RALGPS2: variants seen among roughly 807,000 people sequenced by gnomAD.
RALGPS2 encodes the protein Ral GEF with PH domain and SH3 binding motif 2.
RALGPS2 carries 43 observed loss-of-function variants against 86.8 expected under a neutral mutation model. That is an observed-to-expected ratio of 0.50 (90% CI 0.39 to 0.64). The LOEUF is 0.64. Ranked by LOEUF, RALGPS2 falls within the 30% of genes least tolerant of loss-of-function variation. The pLI, the probability that RALGPS2 is intolerant of heterozygous loss-of-function variation, is 0.00. For missense variants in RALGPS2, 536 were observed against 694.6 expected (o/e 0.77, Z 2.57); for synonymous variants, 243 against 231.3 (o/e 1.05, Z -0.46).
intron 8 of RALGPS2, among the ~76,000 whole-genome samples, chr1:178,836,190 C>G (rs975271625): frequency 6.6e-6 from 1 of 152,184 alleles, no homozygotes; most frequent in African/African-American, 2.4e-5. Flanking sequence ...TTAGTAGAAT[C>G]AGGAAAGGTT....
intron 13 of RALGPS2, 92 bp downstream of exon 13, chr1:178,886,212 A>G: frequency 7.4e-7 from 1 of 1,354,914 alleles, no homozygotes. Flanking sequence ...CCACACACAG[A>G]GAAAATTTGG....
intron 4 of RALGPS2, among the ~76,000 whole-genome samples, chr1:178,795,218 T>A (rs896748474): frequency 3.3e-5 from 5 of 151,886 alleles, no homozygotes; most frequent in African/African-American, 9.7e-5. Context: ...TATACTCTAT[T>A]TATCCTCGTA....
intron 8 of RALGPS2, chr1:178,852,719 A>G (rs1284091553): frequency 6.2e-7 from 1 of 1,613,784 alleles, no homozygotes; most frequent in South Asian, 1.1e-5. Flanking sequence ...AGTGTGGTGA[A>G]TTGTTTACCA....
At chr1:178,749,898 C>T (rs978523683) in intron 1 of RALGPS2, among the ~76,000 whole-genome samples, 10 of 152,086 alleles carry the variant, frequency 6.6e-5, no homozygotes, top group African/African-American at 2.4e-4. Context: ...AGTTCAAGAC[C>T]AGCCTGGGCA....
At chr1:178,843,107 G>C (rs1181995401) in intron 8 of RALGPS2, among the ~76,000 whole-genome samples, 1 of 149,022 alleles carries the variant, frequency 6.7e-6, no homozygotes, top group Non-Finnish European at 1.5e-5. Flanking sequence ...ATTCCTCAGG[G>C]ATCTAGAACT....
intron 5 of RALGPS2, among the ~76,000 whole-genome samples, chr1:178,808,894 A>G (rs1189859827): frequency 2.0e-5 from 3 of 152,138 alleles, no homozygotes; most frequent in Non-Finnish European, 2.9e-5. Context: ...TTTTAGAGAC[A>G]GGGTCTCTGT....
In RALGPS2 at chr1:178,897,639, A is replaced by G. The variant is rs761651584; in HGVS notation, c.1432-25A>G. On this transcript the variant is annotated intron_variant, in intron 16 of 19. Coordinates refer to ENST00000367635, the MANE Select transcript of RALGPS2 (RefSeq NM_152663.5). Reference sequence around the variant, plus strand: ...AAGAAGCCAGGAGCATTGTAATAGTATATTCCTGTGTTTGTCCTATCCAGG... The same window carrying G: ...AAGAAGCCAGGAGCATTGTAATAGTGTATTCCTGTGTTTGTCCTATCCAGG... 4 of 1,557,728 alleles carry G rather than the reference A, an allele frequency of 2.6e-6. No individual in the cohort carries two copies. The South Asian group carries it at 4.5e-5, about 17-fold the overall frequency.
chr1:178,747,151 A>T, intron 1 of RALGPS2: 1 of 1,004,182 alleles, frequency 1.0e-6, no homozygotes, highest in South Asian at 1.3e-5. Flanking sequence ...TCAAAACAAG[A>T]CAAGTGTCTA....
Position 178,809,715 on chromosome 1 carries a change from T to G in RALGPS2, c.297+1587T>G, listed in dbSNP as rs537069551. ...AGCACGTACACTTACCCTTCCAGTATTGGGGTCTCGGGGTGGCTGGATTTA... is the reference window on the plus strand; with the variant it reads ...AGCACGTACACTTACCCTTCCAGTAGTGGGGTCTCGGGGTGGCTGGATTTA... On this transcript the variant is annotated intron_variant, in intron 5 of 19. Coordinates refer to ENST00000367635, the MANE Select transcript of RALGPS2 (RefSeq NM_152663.5). Among the ~76,000 whole-genome samples, 3 of 152,154 alleles carry G rather than the reference T, an allele frequency of 2.0e-5. No homozygotes were observed. The East Asian group carries it at 5.8e-4, about 29-fold the overall frequency.
At chr1:178,862,380 C>T (rs1002643358) in intron 8 of RALGPS2, among the ~76,000 whole-genome samples, 1 of 152,062 alleles carries the variant, frequency 6.6e-6, no homozygotes, top group Non-Finnish European at 1.5e-5. Flanking sequence ...GCAGGTAAGA[C>T]ACTGTAACCA....
intron 2 of RALGPS2, among the ~76,000 whole-genome samples, chr1:178,777,419 C>T (rs2102107655): frequency 6.6e-6 from 1 of 151,904 alleles, no homozygotes; most frequent in African/African-American, 2.4e-5. Context: ...AAGAACATTC[C>T]ATGCTCATGG....
chr1:178,783,508 G>A (rs1431789551), intron 2 of RALGPS2, among the ~76,000 whole-genome samples: 1 of 152,120 alleles, frequency 6.6e-6, no homozygotes, highest in Non-Finnish European at 1.5e-5. Context: ...TGTAATGATC[G>A]TGGCTCGATA....
Position 178,906,765 on chromosome 1 carries a change from G to T in RALGPS2, c.1631-11G>T. ...TTTTTAATATTTCCCCCTTATTTTG[G>T]ATAATTTTAGGAAATTCGTACAAGT... On this transcript the variant is annotated splice_polypyrimidine_tract_variant and intron_variant, in intron 18 of 19. Transcript: ENST00000367635. The T allele has an allele frequency of 6.2e-7, 1 of 1,603,578 alleles. No individual in the cohort carries two copies. The highest frequency in any genetic ancestry group is 1.1e-5 in the South Asian group (1 of 89,542).
intron 6 of RALGPS2, among the ~76,000 whole-genome samples, chr1:178,816,924 G>T (rs535258606): frequency 6.6e-6 from 1 of 151,864 alleles, no homozygotes; most frequent in South Asian, 2.1e-4. Context: ...GGCCAAGCTG[G>T]TCTCGAACTC....
At chr1:178,778,090 A>G (rs931007168) in intron 2 of RALGPS2, among the ~76,000 whole-genome samples, 6 of 129,674 alleles carry the variant, frequency 4.6e-5, no homozygotes, top group Admixed American at 1.5e-4. Context: ...AGAAACTACC[A>G]TCAGAGTGAA....
At chr1:178,779,797 G>A (rs991409357) in intron 2 of RALGPS2, among the ~76,000 whole-genome samples, 3 of 152,170 alleles carry the variant, frequency 2.0e-5, no homozygotes, top group Non-Finnish European at 2.9e-5. Flanking sequence ...GCAGTGGCAC[G>A]ATCTGGGCCC....
chr1:178,753,623 G>A (rs1372648835), intron 1 of RALGPS2: 2 of 152,088 alleles, frequency 1.3e-5, no homozygotes, highest in South Asian at 2.1e-4. Context: ...TTATGTTGTA[G>A]CGTAATGTTC....
chr1:178,879,041 A>G (rs750215789), intron 10 of RALGPS2, 49 bp downstream of exon 10: 2 of 1,592,500 alleles, frequency 1.3e-6, no homozygotes, highest in Non-Finnish European at 1.7e-6. Flanking sequence ...CCTGTCCTCC[A>G]CCTTTCTATC....
In RALGPS2 at chr1:178,838,928, A is replaced by G. The variant is rs560404219; in HGVS notation, c.607+5378A>G. ...AAAGGGTATCAGTGATTGAAGATCAAATGAATGAAATGAAGCGAGAAGAGA... is the reference window on the plus strand; with the variant it reads ...AAAGGGTATCAGTGATTGAAGATCAGATGAATGAAATGAAGCGAGAAGAGA... On this transcript the variant is annotated intron_variant, in intron 8 of 19. Transcript: ENST00000367635. Among the ~76,000 whole-genome samples the G allele has an allele frequency of 2.2e-4, 34 of 152,330 alleles. No individual in the cohort carries two copies. In the South Asian group the frequency reaches 7.0e-3, roughly 32 times the overall value.
Sources: allele counts gnomAD v4.1 joint callset (sites outside exome capture counted in the v4.1 genomes callset), GRCh38; gene constraint gnomAD v4.1.1; transcripts MANE v1.5; gene names NCBI Gene and HGNC (gene_info 2026-07-23, HGNC 2026-07-21).